SRGAP3: variants seen among roughly 807,000 people sequenced by gnomAD.
The protein encoded by SRGAP3 is SLIT-ROBO Rho GTPase-activating protein 3.
Under a neutral mutation model 121.1 loss-of-function variants are expected in SRGAP3, and 39 were observed. That is an observed-to-expected ratio of 0.32 (90% CI 0.25 to 0.42). SRGAP3 has a LOEUF of 0.42. Among genes scored for constraint, SRGAP3 ranks in the 10% least tolerant of loss-of-function variants. The probability of loss-of-function intolerance (pLI) is 1.00; values close to 1 mark genes in which losing one functional copy is unlikely to be tolerated. For missense variants in SRGAP3, 1,213 were observed against 1,470.6 expected (o/e 0.82, Z 2.86); for synonymous variants, 601 against 570.0 (o/e 1.05, Z -0.77).
chr3:9,010,128 A>G (rs955825683), intron 18 of SRGAP3, among the ~76,000 whole-genome samples, 180 bp downstream of exon 18: 2 of 152,216 alleles, frequency 1.3e-5, no homozygotes, highest in Non-Finnish European at 2.9e-5. Flanking sequence ...TGTCAGGCCC[A>G]TGCCAGGACT....
chr3:9,060,134 G>A, intron 6 of SRGAP3, 97 bp downstream of exon 6: 1 of 1,578,974 alleles, frequency 6.3e-7, no homozygotes, highest in Non-Finnish European at 8.7e-7. Flanking sequence ...ACCCGAGAAT[G>A]TCAGGTAAAG....
intron 3 of SRGAP3, among the ~76,000 whole-genome samples, chr3:9,271,461 C>T (rs375581086): frequency 1.3e-5 from 2 of 152,228 alleles, no homozygotes; most frequent in Non-Finnish European, 2.9e-5. Context: ...AGCCTATGTC[C>T]GAGACCATGG....
intron 1 of SRGAP3, among the ~76,000 whole-genome samples, chr3:9,247,437 C>T (rs1953863559): frequency 6.6e-6 from 1 of 152,102 alleles, no homozygotes; most frequent in African/African-American, 2.4e-5. Flanking sequence ...GGCTTTTGAC[C>T]AGGACTAAAA....
At chr3:9,013,699 G>T in intron 16 of SRGAP3, 38 bp downstream of exon 16, 2 of 1,606,896 alleles carry the variant, frequency 1.2e-6, no homozygotes, top group East Asian at 4.5e-5. Flanking sequence ...AAGAGGCCAG[G>T]CCTGAGTCAA....
chr3:9,081,056 G>A (rs1454204730), intron 3 of SRGAP3, among the ~76,000 whole-genome samples: 1 of 152,212 alleles, frequency 6.6e-6, no homozygotes, highest in South Asian at 2.1e-4. Flanking sequence ...TGCAAAAAAG[G>A]TTGGGGACCA....
At chr3:9,225,278 C>G (rs985834190) in intron 1 of SRGAP3, among the ~76,000 whole-genome samples, 1 of 152,194 alleles carries the variant, frequency 6.6e-6, no homozygotes, top group Admixed American at 6.5e-5. Flanking sequence ...CATCTGGTCT[C>G]TCTGCACCCA....
intron 3 of SRGAP3, chr3:9,292,743 G>T (rs963188157): frequency 2.6e-5 from 4 of 152,154 alleles, no homozygotes; most frequent in Non-Finnish European, 5.9e-5. Flanking sequence ...TAGCAAATAT[G>T]AGCTCTTTGG....
chr3:9,174,529 C>A (rs972695047), intron 1 of SRGAP3, among the ~76,000 whole-genome samples: 5 of 152,182 alleles, frequency 3.3e-5, no homozygotes, highest in Non-Finnish European at 5.9e-5. Flanking sequence ...ACCACCACCA[C>A]CACTACTTAG....
intron 1 of SRGAP3, among the ~76,000 whole-genome samples, chr3:9,356,358 A>ATTTTT (rs869098475): frequency 5.0e-5 from 2 of 39,606 alleles, no homozygotes; most frequent in Non-Finnish European, 7.5e-5. Context: ...TGGCCAGCTA[A>ATTTTT]TTTTTTTTTT....
intron 10 of SRGAP3, among the ~76,000 whole-genome samples, chr3:9,041,235 C>T (rs1486231695): frequency 6.6e-6 from 1 of 152,176 alleles, no homozygotes; most frequent in African/African-American, 2.4e-5. Flanking sequence ...ATCCAGGTTG[C>T]CTAACTTCAA....
chr3:9,056,058 A>C (rs144789784), intron 8 of SRGAP3, among the ~76,000 whole-genome samples, 175 bp downstream of exon 8: 2 of 152,078 alleles, frequency 1.3e-5, no homozygotes, highest in African/African-American at 4.8e-5. Flanking sequence ...ACATCTTATA[A>C]ATGTTCCTCC....
rs547726786 is a variant in SRGAP3, at chr3:9,122,011, C to T, written c.260+2714G>A. Among the ~76,000 whole-genome samples the T allele has an allele frequency of 5.3e-5, 8 of 152,274 alleles. No homozygotes were observed. In the South Asian group the frequency reaches 6.2e-4, roughly 12 times the overall value. ...CCAGGCCAAGGAGGCAGAGAAGAGA[C>T]AAAGGTTCAATTCTGTCTCTTTCCA... On this transcript the variant is annotated intron_variant, in intron 2 of 21. Transcript: ENST00000383836.
rs986711957 is a variant in SRGAP3, at chr3:9,248,964, C to A, written c.-13G>T. The A allele has an allele frequency of 6.2e-7, 1 of 1,613,730 alleles. No individual in the cohort carries two copies. The highest frequency in any genetic ancestry group is 1.3e-5 in the African/African-American group (1 of 75,014). On this transcript the variant is annotated 5_prime_UTR_variant, in exon 1 of 22. Coordinates refer to ENST00000383836, the MANE Select transcript of SRGAP3 (RefSeq NM_014850.4). ...TTTGAGATGACATCTTCTGACGTGG[C>A]CAAAGGAACTGACAGGCTGTTTGAT...
chr3:9,135,207 G>A lies in SRGAP3; in HGVS notation c.68-10290C>T, dbSNP rs554325556. Among the ~76,000 whole-genome samples the A allele has an allele frequency of 5.3e-5, 8 of 152,286 alleles. 1 individual carries two copies. The highest frequency in any genetic ancestry group is 1.9e-4 in the African/African-American group (8 of 41,548). On this transcript the variant is annotated intron_variant, in intron 1 of 21. Coordinates refer to ENST00000383836, the MANE Select transcript of SRGAP3 (RefSeq NM_014850.4). Reference sequence around the variant, plus strand: ...GCAGAAACTTCCATTGGACAGCACTGCGTCAGAGGCTTTATAAAGTTAAGC... The same window carrying A: ...GCAGAAACTTCCATTGGACAGCACTACGTCAGAGGCTTTATAAAGTTAAGC...
At position 8,983,969 on chromosome 3, in the gene SRGAP3, G is replaced by A. The variant is rs151089122; in HGVS notation, c.*1550C>T. On this transcript the variant is annotated 3_prime_UTR_variant, in exon 22 of 22. Coordinates refer to ENST00000383836, the MANE Select transcript of SRGAP3 (RefSeq NM_014850.4). The stretch of plus-strand genomic sequence containing the variant: ...CTCGCAGGAGAGGGTAAGTAACAGC[G>A]GCCCACAGGGCACACAGATTTGCCC... 509 of 230,358 alleles carry A rather than the reference G, an allele frequency of 2.2e-3. 4 individuals are homozygous for A. Among genetic ancestry groups the A allele is most frequent in the African/African-American group, 0.01 (474 of 45,264 alleles). The allele number at this position is 230,358 out of a possible 1,614,324, so 14.3% of individuals were successfully genotyped here. A position where few individuals can be genotyped will look rare whatever the true frequency, so the allele number is the denominator to read the frequency against.
chr3:9,020,849 T>G (rs1052632179), intron 14 of SRGAP3, among the ~76,000 whole-genome samples: 1 of 152,190 alleles, frequency 6.6e-6, no homozygotes, highest in Non-Finnish European at 1.5e-5. Context: ...AGGAAAGACA[T>G]GTTCACACTT....
chr3:8,990,658 T>C lies in SRGAP3; in HGVS notation c.2740A>G (p.Met914Val), dbSNP rs1199396838. ...GRIESPEKRR[M>V]ATFGSAGSIN... ...CTGCCAGCGCTCCCGAACGTCGCCA[T>C]CCTCCGCTTCTCAGGGCTCTCGATC... Residue 914 changes from methionine to valine, a missense_variant, in exon 21 of 22, where the codon ATG becomes GTG. By Grantham distance (21) the Met-to-Val change is conservative. Coordinates refer to ENST00000383836, the MANE Select transcript of SRGAP3 (RefSeq NM_014850.4). 1 of 1,613,660 alleles carries C rather than the reference T, an allele frequency of 6.2e-7. No individual in the cohort carries two copies. Among genetic ancestry groups the C allele is most frequent in the Admixed American group, 1.7e-5 (1 of 60,022 alleles).
chr3:9,357,871 AATT>A (rs1019173102), intron 1 of SRGAP3, among the ~76,000 whole-genome samples: 3 of 151,772 alleles, frequency 2.0e-5, no homozygotes, highest in African/African-American at 7.3e-5. Context: ...CCCCATTTGA[AATT>A]TTTTTTTTTT....
At chr3:9,362,162 C>CT (rs36036357) in intron 1 of SRGAP3, among the ~76,000 whole-genome samples, 1,118 of 90,966 alleles carry the variant, frequency 0.012, 121 homozygotes, top group African/African-American at 0.02. Flanking sequence ...AGGTTCAACT[C>CT]TTTTTTTTTT....
Sources: gnomAD v4.1 joint callset for allele counts (sites outside exome capture counted in the v4.1 genomes callset) on GRCh38, gnomAD v4.1.1 for gene constraint, MANE v1.5 for transcripts, NCBI Gene and HGNC (gene_info 2026-07-23, HGNC 2026-07-21) for gene names.